The following SEC24B variants were observed in gnomAD, a reference collection of about 807,000 sequenced individuals.
SEC24B encodes protein transport protein Sec24B.
Under a neutral mutation model 142.8 loss-of-function variants are expected in SEC24B, and 45 were observed. That is an observed-to-expected ratio of 0.32 (90% confidence interval 0.25 to 0.40). The LOEUF (loss-of-function observed/expected upper bound fraction) is 0.40, where lower values mean the gene tolerates loss of function less well. Ranked by LOEUF, SEC24B falls within the 10% of genes least tolerant of loss-of-function variation. SEC24B has a pLI of 1.00. For synonymous variants in SEC24B, 574 were observed against 568.2 expected, an observed-to-expected ratio of 1.01 and a Z score of -0.15; for missense variants, 1,409 against 1,526.8, an observed-to-expected ratio of 0.92 and a Z score of 1.29.
intron 20 of SEC24B, 49 bp downstream of exon 20, chr4:109,531,571 T>A: frequency 7.2e-7 from 1 of 1,390,752 alleles, no homozygotes; most frequent in Non-Finnish European, 1.0e-6. Context: ...TATATTTGAG[T>A]GTCTTGTTCT....
intron 1 of SEC24B, among the ~76,000 whole-genome samples, chr4:109,449,730 G>A (rs946516729): frequency 6.6e-6 from 1 of 152,042 alleles, no homozygotes; most frequent in African/African-American, 2.4e-5. Flanking sequence ...ATGACCTAAT[G>A]TAAACCTGAT....
chr4:109,455,108 T>C (rs139587265), intron 1 of SEC24B, among the ~76,000 whole-genome samples: 26 of 152,342 alleles, frequency 1.7e-4, no homozygotes, highest in African/African-American at 3.1e-4. Context: ...ATCTGCCTTT[T>C]GCAAGTTGAT....
At chr4:109,531,553 A>T in intron 20 of SEC24B, 31 bp downstream of exon 20, 2 of 1,523,318 alleles carry the variant, frequency 1.3e-6, no homozygotes, top group South Asian at 1.1e-5. Flanking sequence ...GAAATGTTTA[A>T]ATTTGAATAT....
chr4:109,441,524 C>T (rs986540674), intron 1 of SEC24B, among the ~76,000 whole-genome samples: 24 of 152,158 alleles, frequency 1.6e-4, no homozygotes, highest in Non-Finnish European at 2.1e-4. Context: ...TTGACCTCCC[C>T]GGGTTAAGGT....
chr4:109,468,515 T>A (rs1732191620), intron 2 of SEC24B, among the ~76,000 whole-genome samples: 1 of 152,238 alleles, frequency 6.6e-6, no homozygotes. Flanking sequence ...CTCCTTGTCC[T>A]ATATGTAATC....
chr4:109,477,692 A>T (rs1733318287), intron 3 of SEC24B, among the ~76,000 whole-genome samples: 1 of 152,132 alleles, frequency 6.6e-6, no homozygotes, highest in African/African-American at 2.4e-5. Context: ...TTTATGGATG[A>T]TATCTCCATA....
In SEC24B at chr4:109,519,210, G is replaced by A. The variant is rs529830230; in HGVS notation, c.2127-1156G>A. 1.2e-4 allele frequency among the ~76,000 whole-genome samples: 18 copies of A among 152,200 alleles called. No individual in the cohort carries two copies. In the South Asian group the frequency reaches 1.2e-3, roughly 11 times the overall value. ...AGTGGATGGAGCAAGCTCCTATTCC[G>A]TCACTGTGCTCCAGAAATCCATTTA... On this transcript the variant is annotated intron_variant, in intron 11 of 23. Coordinates refer to ENST00000265175, the MANE Select transcript of SEC24B (RefSeq NM_006323.5).
rs1256989162 is a variant in SEC24B, at chr4:109,494,600, G to A, written c.1247-15G>A. The A allele has an allele frequency of 1.2e-6, 2 of 1,613,246 alleles. No homozygotes were observed. The highest frequency in any genetic ancestry group is 1.7e-6 in the Non-Finnish European group (2 of 1,179,960). ...TGATTTTCAGTTGTTAACACCATGT[G>A]TTTCCATTTTTTAGATATGCTTTCT... On this transcript the variant is annotated splice_polypyrimidine_tract_variant and intron_variant, in intron 5 of 23. Transcript: ENST00000265175.
intron 1 of SEC24B, among the ~76,000 whole-genome samples, chr4:109,451,242 G>C (rs1022301140): frequency 2.0e-5 from 3 of 152,166 alleles, no homozygotes; most frequent in Non-Finnish European, 2.9e-5. Context: ...GAGGGAGACA[G>C]GGTCTTGCTC....
chr4:109,530,916 A>G (rs923014870), intron 19 of SEC24B, among the ~76,000 whole-genome samples: 13 of 151,316 alleles, frequency 8.6e-5, no homozygotes, highest in Admixed American at 3.3e-4. Flanking sequence ...AAAAAAAAAA[A>G]AAAAGAAAAG....
Position 109,506,325 on chromosome 4 carries a change from C to T in SEC24B, c.1489-3C>T, listed in dbSNP as rs778672404. 2.4e-5 allele frequency: 36 copies of T among 1,514,916 alleles called. No homozygotes were observed. The highest frequency in any genetic ancestry group is 2.8e-5 in the Non-Finnish European group (32 of 1,135,790). The allele number at this position is 1,514,916 out of a possible 1,614,324, so 93.8% of individuals were successfully genotyped here. Reference sequence around the variant, plus strand: ...TTTATTTTGTTTTGAATTGCTCTTTCAGCAGTATCCTGGTGTGAACCAGCT... The same window carrying T: ...TTTATTTTGTTTTGAATTGCTCTTTTAGCAGTATCCTGGTGTGAACCAGCT... On this transcript the variant is annotated splice_region_variant and splice_polypyrimidine_tract_variant and intron_variant, in intron 6 of 23. Coordinates refer to ENST00000265175, the MANE Select transcript of SEC24B (RefSeq NM_006323.5).
At chr4:109,441,619 A>G (rs1053743856) in intron 1 of SEC24B, among the ~76,000 whole-genome samples, 1 of 152,032 alleles carries the variant, frequency 6.6e-6, no homozygotes, top group Admixed American at 6.5e-5. Flanking sequence ...TTTTGTAGAG[A>G]TGGGGTTTCA....
chr4:109,472,707 G>T (rs1183240995), intron 2 of SEC24B, among the ~76,000 whole-genome samples: 2 of 151,938 alleles, frequency 1.3e-5, no homozygotes, highest in Non-Finnish European at 2.9e-5. Flanking sequence ...GTTTAAGAAG[G>T]TAAGGAAGAT....
chr4:109,515,201 C>T (rs10008457), intron 10 of SEC24B, among the ~76,000 whole-genome samples: 17,763 of 151,808 alleles, frequency 0.12, 3,455 homozygotes, highest in African/African-American at 0.4. Context: ...CCCGGGTTCA[C>T]GACATTCTCC....
At chr4:109,434,592 A>G (rs1377269239) in intron 1 of SEC24B, among the ~76,000 whole-genome samples, 1 of 152,224 alleles carries the variant, frequency 6.6e-6, no homozygotes, top group Non-Finnish European at 1.5e-5. Context: ...TAAATATGCT[A>G]TATAAGTGTA....
intron 3 of SEC24B, among the ~76,000 whole-genome samples, chr4:109,480,185 G>T (rs1338721971): frequency 6.6e-6 from 1 of 151,262 alleles, no homozygotes; most frequent in East Asian, 1.9e-4. Context: ...TTTAACCTTT[G>T]CTTCTAAACT....
chr4:109,527,704 G>A (rs1214711030), intron 18 of SEC24B, among the ~76,000 whole-genome samples: 3 of 151,738 alleles, frequency 2.0e-5, no homozygotes, highest in African/African-American at 4.8e-5. Flanking sequence ...CCTGAGAGGC[G>A]GACGTTGCAG....
At chr4:109,469,705 AAATCTC>A (rs1206948999) in intron 2 of SEC24B, among the ~76,000 whole-genome samples, 1 of 152,224 alleles carries the variant, frequency 6.6e-6, no homozygotes, top group Non-Finnish European at 1.5e-5. Flanking sequence ...TTCTCAGAGA[AAATCTC>A]TATCTCTAGA....
In SEC24B at chr4:109,520,594, T is replaced by C. The variant is rs547810680; in HGVS notation, c.2245+110T>C. On this transcript the variant is annotated intron_variant, in intron 12 of 23. Coordinates refer to ENST00000265175, the MANE Select transcript of SEC24B (RefSeq NM_006323.5). ...GCTGTGAGGATAATGTCATGCACTT[T>C]AGTATTTGTTCAAAATAATTGTTTT... 1.6e-5 allele frequency: 12 copies of C among 737,572 alleles called. 1 individual carries two copies. In the East Asian group the frequency reaches 2.0e-4, roughly 12 times the overall value. 45.7% of individuals were successfully genotyped at this position (737,572 alleles called of 1,614,324 possible).
Sources: allele counts gnomAD v4.1 joint callset (sites outside exome capture counted in the v4.1 genomes callset), GRCh38; gene constraint gnomAD v4.1.1; transcripts MANE v1.5; gene names NCBI Gene and HGNC (gene_info 2026-07-23, HGNC 2026-07-21).